ERBB4: variants seen among roughly 807,000 people sequenced by gnomAD.
ERBB4 encodes receptor tyrosine-protein kinase erbB-4.
ERBB4 carries 42 observed loss-of-function variants against 158.0 expected under a neutral mutation model. That is an observed-to-expected ratio of 0.27 (90% CI 0.21 to 0.34). The LOEUF (loss-of-function observed/expected upper bound fraction) is 0.34, where lower values mean the gene tolerates loss of function less well. Ranked by LOEUF, ERBB4 falls within the 10% of genes least tolerant of loss-of-function variation. The pLI is 1.00. For missense variants in ERBB4, 1,333 were observed against 1,624.1 expected (o/e 0.82, Z 3.08); for synonymous variants, 583 against 558.7 (o/e 1.04, Z -0.61).
intron 2 of ERBB4, among the ~76,000 whole-genome samples, chr2:211,969,416 T>C (rs889949704): frequency 3.9e-5 from 6 of 152,062 alleles, no homozygotes; most frequent in African/African-American, 1.2e-4. Flanking sequence ...ATAATATTTA[T>C]GCTAATTGTA....
At chr2:212,474,826 T>TTTTTTTC (rs1689300001) in intron 1 of ERBB4, among the ~76,000 whole-genome samples, 1 of 133,672 alleles carries the variant, frequency 7.5e-6, no homozygotes, top group Non-Finnish European at 1.5e-5. Flanking sequence ...GCCATTCTTT[T>TTTTTTTC]TTTTTTTTTT....
intron 1 of ERBB4, among the ~76,000 whole-genome samples, chr2:212,387,643 C>T (rs2090723010): frequency 6.6e-6 from 1 of 151,960 alleles, no homozygotes; most frequent in Admixed American, 6.6e-5. Context: ...GGTTCAAACT[C>T]CTGACCTCAG....
At chr2:211,493,371 C>T (rs977936352) in intron 20 of ERBB4, among the ~76,000 whole-genome samples, 8 of 152,042 alleles carry the variant, frequency 5.3e-5, no homozygotes, top group Admixed American at 2.0e-4. Context: ...TTTCACTACC[C>T]TATTTCCTTT....
At chr2:211,614,360 C>T (rs866492325) in intron 19 of ERBB4, among the ~76,000 whole-genome samples, 6 of 151,906 alleles carry the variant, frequency 3.9e-5, no homozygotes, top group South Asian at 4.2e-4. Context: ...GATAGCACAA[C>T]GAGGTTACTA....
Position 212,422,348 on chromosome 2 carries a change from T to C in ERBB4, c.82+116101A>G, listed in dbSNP as rs560022937. ...GCTGAAACCCTGTCTCTACTAAAAA[T>C]ACAAAAATTAGTGGTGGTACATGCC... On this transcript the variant is annotated intron_variant, in intron 1 of 27. Coordinates refer to ENST00000342788, the MANE Select transcript of ERBB4 (RefSeq NM_005235.3). 1.5e-3 allele frequency among the ~76,000 whole-genome samples: 230 copies of C among 152,070 alleles called. 2 individuals are homozygous for C. The highest frequency in any genetic ancestry group is 4.9e-3 in the Admixed American group (74 of 15,242).
chr2:211,394,094 C>G lies in ERBB4; in HGVS notation c.3136-6102G>C, dbSNP rs141220416. On this transcript the variant is annotated intron_variant, in intron 25 of 27. Coordinates refer to ENST00000342788, the MANE Select transcript of ERBB4 (RefSeq NM_005235.3). ...AGAGGATATTTCCTTTTAAAATATT[C>G]ATGGCTAAATGAGTCAATAAAATGA... Among the ~76,000 whole-genome samples the G allele has an allele frequency of 2.6e-3, 402 of 152,166 alleles. 2 individuals are homozygous for G. The highest frequency in any genetic ancestry group is 9.0e-3 in the African/African-American group (374 of 41,530).
intron 20 of ERBB4, among the ~76,000 whole-genome samples, chr2:211,529,858 G>C (rs1460320424): frequency 6.6e-6 from 1 of 151,902 alleles, no homozygotes; most frequent in African/African-American, 2.4e-5. Flanking sequence ...ATTATAAAAG[G>C]CATATATGAC....
intron 3 of ERBB4, among the ~76,000 whole-genome samples, chr2:211,903,003 C>A (rs555128777): frequency 6.6e-6 from 1 of 152,026 alleles, no homozygotes; most frequent in South Asian, 2.1e-4. Flanking sequence ...AAATATATCA[C>A]AAATTAATTA....
Position 211,383,571 on chromosome 2 carries a change from A to T in ERBB4, c.*44T>A. ...CAGAGAAAGAGAGGGGGGTGGGGAA[A>T]TTGGAGCAGGTGTGTCTCTCCACCT... On this transcript the variant is annotated 3_prime_UTR_variant, in exon 28 of 28. Transcript: ENST00000342788. The T allele has an allele frequency of 6.5e-7, 1 of 1,530,582 alleles. No homozygotes were observed. The highest frequency in any genetic ancestry group is 9.0e-7 in the Non-Finnish European group (1 of 1,106,356). 94.8% of individuals were successfully genotyped at this position (1,530,582 alleles called of 1,614,324 possible).
chr2:211,657,697 G>C, intron 16 of ERBB4, 57 bp downstream of exon 16: 3 of 1,318,516 alleles, frequency 2.3e-6, no homozygotes, highest in Non-Finnish European at 3.3e-6. Flanking sequence ...AGTACTTTTT[G>C]TTCATGATAA....
intron 4 of ERBB4, among the ~76,000 whole-genome samples, chr2:211,777,019 T>C (rs924595872): frequency 2.3e-4 from 35 of 152,080 alleles, no homozygotes; most frequent in African/African-American, 8.0e-4. Flanking sequence ...TTTTTGGGGT[T>C]TGGCAAGGGT....
intron 1 of ERBB4, among the ~76,000 whole-genome samples, chr2:212,388,081 T>G (rs1348020372): frequency 6.6e-6 from 1 of 152,118 alleles, no homozygotes; most frequent in Non-Finnish European, 1.5e-5. Flanking sequence ...TGCTTCTATA[T>G]AGATCCCTTG....
chr2:212,286,352 T>G (rs1389717349), intron 1 of ERBB4, among the ~76,000 whole-genome samples: 1 of 152,110 alleles, frequency 6.6e-6, no homozygotes, highest in Non-Finnish European at 1.5e-5. Flanking sequence ...AATTTGAAAT[T>G]CAGTGAACAC....
chr2:211,618,337 C>A (rs1377630413), intron 19 of ERBB4, among the ~76,000 whole-genome samples: 2 of 152,016 alleles, frequency 1.3e-5, no homozygotes, highest in Non-Finnish European at 2.9e-5. Context: ...TGGCCTGCAG[C>A]TTATTTATGT....
rs193102117 is a variant in ERBB4 at position 211,410,578 on chromosome 2, A to G, written c.3135+9863T>C. ...CCCTGAAGAATAAAGCAGTGACTAT[A>G]GAGGAATTCATACTGTACCATAACA... On this transcript the variant is annotated intron_variant, in intron 25 of 27. Coordinates refer to ENST00000342788, the MANE Select transcript of ERBB4 (RefSeq NM_005235.3). 4.6e-3 allele frequency among the ~76,000 whole-genome samples: 701 copies of G among 152,366 alleles called. 7 individuals carry two copies. Among genetic ancestry groups the G allele is most frequent in the African/African-American group, 0.016 (663 of 41,592 alleles).
intron 1 of ERBB4, among the ~76,000 whole-genome samples, chr2:212,192,913 A>G (rs569426920): frequency 2.0e-5 from 3 of 152,256 alleles, no homozygotes; most frequent in East Asian, 1.9e-4. Flanking sequence ...TTAAACAACT[A>G]AAGTTGTTTT....
rs76513244 is a variant in ERBB4 at position 212,438,646 on chromosome 2, G to A, written c.82+99803C>T. The stretch of plus-strand genomic sequence containing the variant: ...TATAAATTGTATTGAATGAATGGAA[G>A]AACTGAGTAAATGCATATCAAACTG... On this transcript the variant is annotated intron_variant, in intron 1 of 27. Coordinates refer to ENST00000342788, the MANE Select transcript of ERBB4 (RefSeq NM_005235.3). Among the ~76,000 whole-genome samples, 1,150 of 152,108 alleles carry A rather than the reference G, an allele frequency of 7.6e-3. 11 individuals are homozygous for A. Among genetic ancestry groups the A allele is most frequent in the African/African-American group, 0.026 (1,084 of 41,530 alleles).
chr2:211,604,635 C>T (rs1023043536), intron 19 of ERBB4, among the ~76,000 whole-genome samples: 1 of 152,156 alleles, frequency 6.6e-6, no homozygotes, highest in African/African-American at 2.4e-5. Context: ...TAGGATCATG[C>T]TTCAAAGAAT....
At chr2:211,696,531 C>A (rs1463035056) in intron 12 of ERBB4, among the ~76,000 whole-genome samples, 1 of 152,068 alleles carries the variant, frequency 6.6e-6, no homozygotes, top group African/African-American at 2.4e-5. Flanking sequence ...GGTCAGATAG[C>A]AAAGAGTTCT....
Sources: gnomAD v4.1 joint callset for allele counts (sites outside exome capture counted in the v4.1 genomes callset) on GRCh38, gnomAD v4.1.1 for gene constraint, MANE v1.5 for transcripts, NCBI Gene and HGNC (gene_info 2026-07-23, HGNC 2026-07-21) for gene names.